Variants in TONSL observed in about 807,000 individuals in gnomAD.
TONSL encodes tonsoku like, DNA repair protein.
A neutral mutation model predicts 147.1 loss-of-function variants in TONSL; 112 were observed. The ratio of observed to expected loss-of-function variants is 0.76; its 90% CI spans 0.65 to 0.89. The LOEUF (loss-of-function observed/expected upper bound fraction) is 0.89, where lower values mean the gene tolerates loss of function less well. Among genes scored for constraint, TONSL ranks in the 40% least tolerant of loss-of-function variants. The pLI is 0.00. For synonymous variants in TONSL, 868 were observed against 801.5 expected (o/e 1.08, Z -1.40); for missense variants, 1,883 against 1,864.6 (o/e 1.01, Z -0.18).
chr8:144,442,994 G>A, intron 4 of TONSL, 144 bp downstream of exon 4: 1 of 1,227,064 alleles, frequency 8.1e-7, no homozygotes, highest in Admixed American at 2.7e-5. Context: ...GAAAGGTTGA[G>A]CGGGGCATGC....
rs1214661399 is a variant in TONSL at position 144,440,758 on chromosome 8, T to C, written c.1124A>G (p.Tyr375Cys). 1 of 1,612,910 alleles carries C rather than the reference T, an allele frequency of 6.2e-7. No homozygotes were observed. The highest frequency in any genetic ancestry group is 8.5e-7 in the Non-Finnish European group (1 of 1,179,958). ...MKDHHGAVRHYEEELRLRSGN... is the reference protein window; with the variant it reads ...MKDHHGAVRHCEEELRLRSGN... ...GCTGCGCAGCCTCAGTTCCTCCTCA[T>C]AGTGGCGCACGGCCCCATGGTGGTC... is the stretch of plus-strand genomic sequence containing the variant. The change falls in exon 9 of 26, where the codon TAT becomes TGT. Residue 375 changes from tyrosine (Y) to cysteine (C), a missense_variant. Transcript: ENST00000409379.
At chr8:144,433,491 T>G (rs1221915209) in intron 22 of TONSL, 97 bp downstream of exon 22, 1 of 1,193,368 alleles carries the variant, frequency 8.4e-7, no homozygotes, top group Non-Finnish European at 1.2e-6. Context: ...CCACAGGTGT[T>G]GCCCCTGTGT....
intron 13 of TONSL, among the ~76,000 whole-genome samples, chr8:144,437,359 G>T (rs571848666): frequency 3.3e-5 from 5 of 152,346 alleles, no homozygotes; most frequent in African/African-American, 1.2e-4. Flanking sequence ...GCACCTGGTC[G>T]CAGGGGCATG....
chr8:144,442,949 G>C, intron 4 of TONSL, 143 bp from the exon 5 acceptor site: 1 of 1,273,258 alleles, frequency 7.9e-7, no homozygotes, highest in Non-Finnish European at 1.1e-6. Flanking sequence ...GGCAGATGGA[G>C]CACAGAGTGG....
chr8:144,430,570 G>A lies in TONSL; in HGVS notation c.3810-33C>T, dbSNP rs781977656. On this transcript the variant is annotated intron_variant, in intron 24 of 25. Transcript: ENST00000409379. The stretch of plus-strand genomic sequence containing the variant: ...AACATGGGAAGAAGTGCAAAGGTTG[G>A]CTTCCAGAGAGGCTGTGCCCCAACA... The A allele has an allele frequency of 2.5e-6, 4 of 1,583,046 alleles. No homozygotes were observed. In the Admixed American group the frequency reaches 7.0e-5, roughly 28 times the overall value.
intron 2 of TONSL, 40 bp downstream of exon 2, chr8:144,444,140 G>C (rs945972644): frequency 7.4e-7 from 1 of 1,352,024 alleles, no homozygotes; most frequent in Non-Finnish European, 9.5e-7. Context: ...CCGGGCCCGG[G>C]CCCCGGCCCT....
chr8:144,430,205 T>C (rs2130834337), intron 25 of TONSL, among the ~76,000 whole-genome samples, 199 bp downstream of exon 25: 1 of 152,288 alleles, frequency 6.6e-6, no homozygotes, highest in Admixed American at 6.5e-5. Flanking sequence ...CCTCGCCCCC[T>C]AACCCATGGT....
chr8:144,433,575 C>T lies in TONSL; in HGVS notation c.3559+13G>A. ...GGGCTAGGGAGTGGACAGGGAGTGC[C>T]TGGTCAGCTCACCTTGGAAAGCACT... On this transcript the variant is annotated intron_variant, in intron 22 of 25. Transcript: ENST00000409379. The T allele has an allele frequency of 2.5e-6, 4 of 1,612,598 alleles. No homozygotes were observed. Among genetic ancestry groups the T allele is most frequent in the Non-Finnish European group, 3.4e-6 (4 of 1,179,514 alleles).
intron 18 of TONSL, 86 bp downstream of exon 18, chr8:144,435,388 A>G: frequency 7.5e-7 from 1 of 1,324,626 alleles, no homozygotes; most frequent in Non-Finnish European, 1.0e-6. Context: ...AGCCCTCGTC[A>G]CACGCCCCAC....
chr8:144,437,349 G>A (rs187697071), intron 13 of TONSL, among the ~76,000 whole-genome samples: 400 of 152,360 alleles, frequency 2.6e-3, no homozygotes, highest in African/African-American at 9.2e-3. Context: ...GGGAGACAGT[G>A]CACCTGGTCG....
chr8:144,437,977 A>G (rs1297175119), intron 13 of TONSL, among the ~76,000 whole-genome samples: 1 of 151,080 alleles, frequency 6.6e-6, no homozygotes. Flanking sequence ...ATCATGGCTC[A>G]CTGCAGCCTC....
chr8:144,434,774 G>A (rs1489301204), intron 20 of TONSL, 37 bp downstream of exon 20: 9 of 1,603,456 alleles, frequency 5.6e-6, no homozygotes, highest in African/African-American at 1.3e-5. Context: ...CCCCTTGTAC[G>A]ACCTCACCCA....
At chr8:144,438,816 A>C in intron 11 of TONSL, 81 bp from the exon 12 acceptor site, 1 of 1,433,516 alleles carries the variant, frequency 7.0e-7, no homozygotes, top group Non-Finnish European at 9.6e-7. Flanking sequence ...AAGCTCCCCA[A>C]ACTCCCAGGT....
chr8:144,429,833 G>A (rs1356199091), intron 25 of TONSL, among the ~76,000 whole-genome samples: 2 of 152,168 alleles, frequency 1.3e-5, no homozygotes, highest in African/African-American at 4.8e-5. Flanking sequence ...AGAAAGCAGA[G>A]CCCCGCTTCG....
chr8:144,429,030 C>T lies in TONSL; in HGVS notation c.*113G>A. On this transcript the variant is annotated 3_prime_UTR_variant, in exon 26 of 26. Coordinates refer to ENST00000409379, the MANE Select transcript of TONSL (RefSeq NM_013432.5). ...GGTCTCGATCTCCTGACCTCGTGAT[C>T]CGCCCGCCTGGGCCTCCCAAAGTGT... is the stretch of plus-strand genomic sequence containing the variant. 2 of 1,247,832 alleles carry T rather than the reference C, an allele frequency of 1.6e-6. No homozygotes were observed. The highest frequency in any genetic ancestry group is 2.1e-6 in the Non-Finnish European group (2 of 941,914). The allele number at this position is 1,247,832 out of a possible 1,614,324, so 77.3% of individuals were successfully genotyped here.
chr8:144,438,496 C>A lies in TONSL; in HGVS notation c.1628G>T (p.Arg543Leu). ...LHRACIEGQLRRVQDLVRQGH... is the reference protein window; with the variant it reads ...LHRACIEGQLLRVQDLVRQGH... ...CTGCCTCACAAGGTCCTGGACGCGGCGCAGCTGGCCCTCGATGCAGGCTCG... is the reference window on the plus strand; with the variant it reads ...CTGCCTCACAAGGTCCTGGACGCGGAGCAGCTGGCCCTCGATGCAGGCTCG... Residue 543 changes from arginine to leucine, a missense_variant, in exon 13 of 26, where the codon CGC becomes CTC. Transcript: ENST00000409379. 1.9e-6 allele frequency: 3 copies of A among 1,613,058 alleles called. No homozygotes were observed. Among genetic ancestry groups the A allele is most frequent in the Non-Finnish European group, 2.5e-6 (3 of 1,179,960 alleles).
At chr8:144,438,839 G>A in intron 11 of TONSL, 104 bp from the exon 12 acceptor site, 2 of 1,222,002 alleles carry the variant, frequency 1.6e-6, no homozygotes, top group Non-Finnish European at 2.3e-6. Flanking sequence ...AAAGGAGCCA[G>A]AGACGGGAGG....
At chr8:144,443,769 G>A (rs1823804437) in intron 3 of TONSL, 113 bp downstream of exon 3, 1 of 1,426,304 alleles carries the variant, frequency 7.0e-7, no homozygotes, top group Non-Finnish European at 9.4e-7. Context: ...GCTGCGTCAG[G>A]TCAGGTGTCC....
Position 144,440,144 on chromosome 8 carries a change from C to T in TONSL, c.1357G>A (p.Glu453Lys), listed in dbSNP as rs189270359. Residue 453 changes from glutamate (E) to lysine (K), a missense_variant, in exon 11 of 26, where the codon GAA (glutamate) becomes AAA (lysine). Coordinates refer to ENST00000409379, the MANE Select transcript of TONSL (RefSeq NM_013432.5). ...ACACTGAGCTCCCGTAGTCTGGTTT[C>T]GGTCTCAGGGGCCTCCTGGGGCTGC... ...RLQPQEAPET[E>K]TRLRELSVAE... 84 of 1,611,854 alleles carry T rather than the reference C, an allele frequency of 5.2e-5. No homozygotes were observed. In the East Asian group the frequency reaches 1.2e-3, roughly 22 times the overall value.
Sources: gnomAD v4.1 joint callset for allele counts (sites outside exome capture counted in the v4.1 genomes callset) on GRCh38, gnomAD v4.1.1 for gene constraint, MANE v1.5 for transcripts, NCBI Gene and HGNC (gene_info 2026-07-23, HGNC 2026-07-21) for gene names.